The following ULK1 variants were observed in gnomAD, a reference collection of about 807,000 sequenced individuals.
The protein encoded by ULK1 is serine/threonine-protein kinase ULK1.
A neutral mutation model predicts 117.5 loss-of-function variants in ULK1; 48 were observed. The ratio of observed to expected loss-of-function variants is 0.41; its 90% confidence interval spans 0.32 to 0.52. ULK1 has a LOEUF of 0.52. ULK1 is among the 20% of genes least tolerant of loss of function. ULK1 has a pLI of 0.29. For missense variants in ULK1, 1,387 were observed against 1,473.4 expected (o/e 0.94, Z 0.96); for synonymous variants, 790 against 637.8 (o/e 1.24, Z -3.60).
At chr12:131,906,787 C>A in intron 3 of ULK1, 105 bp from the exon 4 acceptor site, 1 of 1,440,442 alleles carries the variant, frequency 6.9e-7, no homozygotes. Context: ...CAGCTAAGTC[C>A]TGGCACTGCA....
In ULK1 at chr12:131,922,258, CAG is replaced by C. The variant is rs1030847772; in HGVS notation, c.*898_*899del. The C allele has an allele frequency of 5.1e-5, 18 of 353,930 alleles. No homozygotes were observed. Among genetic ancestry groups the C allele is most frequent in the African/African-American group, 3.9e-4 (18 of 46,692 alleles). 21.9% of individuals were successfully genotyped at this position (353,930 alleles called of 1,614,324 possible). ...TGGGCCAGGTTAGAGGCAGATGGCA[CAG>C]GGGCGTGTGGCGGGCGGGTGAGGCT... On this transcript the variant is annotated 3_prime_UTR_variant, in exon 28 of 28. Coordinates refer to ENST00000321867, the MANE Select transcript of ULK1 (RefSeq NM_003565.4).
At chr12:131,909,359 C>A in intron 8 of ULK1, 122 bp downstream of exon 8, 1 of 1,147,792 alleles carries the variant, frequency 8.7e-7, no homozygotes, top group Non-Finnish European at 1.2e-6. Flanking sequence ...TCCTGGCTGG[C>A]GGGGCGGGCG....
chr12:131,917,105 GGA>G (rs1566126354), intron 21 of ULK1, 43 bp downstream of exon 21: 109 of 1,128,078 alleles, frequency 9.7e-5, no homozygotes, highest in Middle Eastern at 5.8e-4. Flanking sequence ...GATGGGGGTC[GGA>G]GGCTGTGGGA....
intron 3 of ULK1, among the ~76,000 whole-genome samples, chr12:131,901,166 C>T (rs994915915): frequency 6.6e-6 from 1 of 151,852 alleles, no homozygotes; most frequent in Non-Finnish European, 1.5e-5. Flanking sequence ...CGAGACCAGC[C>T]TGGCCAACAT....
chr12:131,896,417 C>T (rs1888874787), intron 3 of ULK1: 2 of 157,444 alleles, frequency 1.3e-5, no homozygotes, highest in South Asian at 1.8e-4. Context: ...GCAGGCAGGG[C>T]TGGGGCTGTG....
In ULK1 at chr12:131,918,581, C is replaced by T. The variant is rs758635561; in HGVS notation, c.2411C>T (p.Ala804Val). 1.9e-6 allele frequency: 3 copies of T among 1,610,964 alleles called. No homozygotes were observed. Among genetic ancestry groups the T allele is most frequent in the Non-Finnish European group, 2.5e-6 (3 of 1,179,012 alleles). The change falls in exon 23 of 28, where the codon GCT becomes GTT. Residue 804 changes from alanine (A) to valine (V), a missense_variant. Around this residue, in one of 4 missense-constraint regions of ULK1, gnomAD observed 900 missense variants for 858.9 expected, o/e 1.05. Transcript: ENST00000321867. ...GAGGCCCCAGCCCCTGAGCTCCCTG[C>T]TCCAGGACACGGCTGCAGCTTTGCC... ...CSEAPAPELP[A>V]PGHGCSFADP...
chr12:131,919,325 G>T lies in ULK1; in HGVS notation c.2625G>T (p.Glu875Asp). The T allele has an allele frequency of 1.3e-6, 2 of 1,581,594 alleles. No homozygotes were observed. Among genetic ancestry groups the T allele is most frequent in the Non-Finnish European group, 1.7e-6 (2 of 1,166,082 alleles). ...CCAGTGAGGCGGCGGGGGGCCCTGA[G>T]TACCAGCTGCAGGAGAGTGTGGTGG... ...GSASEAAGGP[E>D]YQLQESVVAD... Residue 875 changes from glutamate (E) to aspartate (D), a missense_variant, in exon 24 of 28, where the codon GAG (glutamate) becomes GAT (aspartate). Physicochemically the swap from Glu to Asp is conservative, Grantham distance 45. Around this residue, in one of 4 missense-constraint regions of ULK1, gnomAD observed 900 missense variants for 858.9 expected, o/e 1.05. Coordinates refer to ENST00000321867, the MANE Select transcript of ULK1 (RefSeq NM_003565.4).
chr12:131,896,014 G>T (rs558792009), intron 3 of ULK1, among the ~76,000 whole-genome samples, 190 bp downstream of exon 3: 2 of 152,284 alleles, frequency 1.3e-5, no homozygotes, highest in South Asian at 4.1e-4. Flanking sequence ...CTGTGAGACC[G>T]GGGAGGGGGT....
In ULK1 at chr12:131,894,650, T is replaced by G. The variant is rs1888780815; in HGVS notation, c.-352T>G. On this transcript the variant is annotated 5_prime_UTR_variant, in exon 1 of 28. Coordinates refer to ENST00000321867, the MANE Select transcript of ULK1 (RefSeq NM_003565.4). ...GCGGCTGCGCGGGCGTCTCAGGCTC[T>G]GAGGCCCGGGCGCCGCGGCTCTTTT... 2 of 150,086 alleles carry G rather than the reference T, an allele frequency of 1.3e-5. No homozygotes were observed. Among genetic ancestry groups the G allele is most frequent in the South Asian group, 2.1e-4 (1 of 4,744 alleles). 9.3% of individuals were successfully genotyped at this position (150,086 alleles called of 1,614,324 possible).
chr12:131,916,290 T>G (rs1195726744), intron 19 of ULK1, 108 bp from the exon 20 acceptor site: 1 of 1,503,876 alleles, frequency 6.6e-7, no homozygotes, highest in East Asian at 2.3e-5. Context: ...ATGCTCAGGC[T>G]GCTCCCACAT....
rs376822410 is a variant in ULK1 at position 131,907,477 on chromosome 12, G to C, written c.280-18G>C. The C allele has an allele frequency of 3.7e-6, 6 of 1,612,314 alleles. No individual in the cohort carries two copies. Among genetic ancestry groups the C allele is most frequent in the African/African-American group, 1.3e-5 (1 of 74,890 alleles). ...CCTGGGCCCTGCTGCAGCCTGATGC[G>C]TGTCTGGTCTCTTGCAGTACTGCAA... On this transcript the variant is annotated intron_variant, in intron 4 of 27. Transcript: ENST00000321867.
intron 8 of ULK1, 74 bp from the exon 9 acceptor site, chr12:131,909,701 G>A (rs1889441345): frequency 1.4e-6 from 2 of 1,424,106 alleles, no homozygotes; most frequent in East Asian, 2.5e-5. Context: ...GACTGGGGAC[G>A]AACGCACCGA....
intron 5 of ULK1, 90 bp downstream of exon 5, chr12:131,907,621 G>T: frequency 6.8e-7 from 1 of 1,473,556 alleles, no homozygotes; most frequent in Non-Finnish European, 9.2e-7. Flanking sequence ...GAGGCAGCCT[G>T]GCTCGAGTGG....
Position 131,922,019 on chromosome 12 carries a change from G to A in ULK1, c.*658G>A, listed in dbSNP as rs1056251985. Reference sequence around the variant, plus strand: ...TCAGCGGGAGAACTGGCTCCGGGGGGAGTGGGGCCCTGCGCTAGAGGCAGA... The same window carrying A: ...TCAGCGGGAGAACTGGCTCCGGGGGAAGTGGGGCCCTGCGCTAGAGGCAGA... On this transcript the variant is annotated 3_prime_UTR_variant, in exon 28 of 28. Transcript: ENST00000321867. 4.4e-6 allele frequency: 2 copies of A among 454,708 alleles called. No homozygotes were observed. Among genetic ancestry groups the A allele is most frequent in the African/African-American group, 2.0e-5 (1 of 50,186 alleles). 28.2% of individuals were successfully genotyped at this position (454,708 alleles called of 1,614,324 possible).
At chr12:131,911,803 A>C in intron 12 of ULK1, 139 bp from the exon 13 acceptor site, 1 of 1,215,182 alleles carries the variant, frequency 8.2e-7, no homozygotes, top group Non-Finnish European at 1.2e-6. Flanking sequence ...GAGCACAGGA[A>C]GAAAGACGTG....
At chr12:131,920,164 C>A in intron 26 of ULK1, 28 bp downstream of exon 26, 1 of 1,601,776 alleles carries the variant, frequency 6.2e-7, no homozygotes, top group East Asian at 2.2e-5. Flanking sequence ...ACCAGTGGGG[C>A]AGGGGCCAGG....
Position 131,919,541 on chromosome 12 carries a change from C to T in ULK1, c.2754C>T (p.Ile918=), listed in dbSNP as rs141373811. Residue 918 remains isoleucine, a synonymous_variant, in exon 25 of 28, where the codon ATC becomes ATT. Transcript: ENST00000321867. ...TGTCCTCCGGCCTGCAAAGTGCCATCGACCAGATCCGGGCCGGCAAGCTCT... is the reference window on the plus strand; with the variant it reads ...TGTCCTCCGGCCTGCAAAGTGCCATTGACCAGATCCGGGCCGGCAAGCTCT... ...ELLSSGLQSA[I]DQIRAGKLCL... 177 of 1,612,124 alleles carry T rather than the reference C, an allele frequency of 1.1e-4. No homozygotes were observed. The highest frequency in any genetic ancestry group is 1.4e-4 in the Non-Finnish European group (163 of 1,179,636).
At chr12:131,904,405 C>T (rs1049314556) in intron 3 of ULK1, among the ~76,000 whole-genome samples, 1 of 152,220 alleles carries the variant, frequency 6.6e-6, no homozygotes, top group Non-Finnish European at 1.5e-5. Context: ...GGCTTGGCCT[C>T]CCAACATGCT....
intron 17 of ULK1, 31 bp downstream of exon 17, chr12:131,915,262 G>T (rs955330458): frequency 6.2e-7 from 1 of 1,606,440 alleles, no homozygotes; most frequent in Non-Finnish European, 8.5e-7. Context: ...CTGGGAAGGG[G>T]CGTCTGTAGG....
Sources: gnomAD v4.1 joint callset for allele counts (sites outside exome capture counted in the v4.1 genomes callset) on GRCh38, gnomAD v4.1.1 for gene constraint, gnomAD v4.1.1 regional missense constraint, MANE v1.5 for transcripts, NCBI Gene and HGNC (gene_info 2026-07-23, HGNC 2026-07-21) for gene names.